DLL4: variants seen among roughly 807,000 people sequenced by gnomAD.
DLL4 encodes delta-like protein 4.
DLL4 carries 7 observed loss-of-function variants against 73.6 expected under a neutral mutation model. The observed-to-expected ratio is 0.10, with a 90% CI of 0.05 to 0.18. The LOEUF (loss-of-function observed/expected upper bound fraction) is 0.18. DLL4 is among the 10% of genes least tolerant of loss of function. The probability of loss-of-function intolerance (pLI) is 1.00; values close to 1 mark genes in which losing one functional copy is unlikely to be tolerated. For synonymous variants in DLL4, 345 were observed against 374.3 expected, an observed-to-expected ratio of 0.92 and a Z score of 0.90; for missense variants, 614 against 929.9, an observed-to-expected ratio of 0.66 and a Z score of 4.42.
At chr15:40,931,373 G>T (rs1180608528) in intron 3 of DLL4, 130 bp from the exon 4 acceptor site, 2 of 1,158,012 alleles carry the variant, frequency 1.7e-6, no homozygotes, top group East Asian at 2.6e-5. Context: ...GCAGGCGGGG[G>T]TCATCTGGAT....
Position 40,930,674 on chromosome 15 carries a change from T to A in DLL4, c.386T>A (p.Leu129Gln), listed in dbSNP as rs1208711678. ...IEAWHAPGDD[L>Q]RPEALPPDAL... is the part of the protein sequence containing the mutation. ...GCTTGGCACGCGCCAGGAGACGACC[T>A]GCGGCCAGGTGAGTAGCTCGCTCCG... Residue 129 changes from leucine to glutamine, a missense_variant, in exon 3 of 11, where the codon CTG becomes CAG. Physicochemically the swap from Leu to Gln is moderately radical, Grantham distance 113. Transcript: ENST00000249749. This position sits in a 1 kb window ranked among gnomAD's most constrained non-coding sequence, Gnocchi z 5.7. 1.2e-6 allele frequency: 2 copies of A among 1,613,708 alleles called. No individual in the cohort carries two copies. The highest frequency in any genetic ancestry group is 8.5e-7 in the Non-Finnish European group (1 of 1,179,842).
chr15:40,932,122 A>T (rs1255140846), intron 4 of DLL4, 49 bp from the exon 5 acceptor site: 4 of 1,606,724 alleles, frequency 2.5e-6, no homozygotes, highest in Middle Eastern at 1.7e-4. Flanking sequence ...AATGGGGCTT[A>T]AGAGTCCTTG....
Position 40,936,500 on chromosome 15 carries a change from G to A in DLL4, c.1513G>A (p.Val505Met). ...CACCGACCTCTCCACAGACACCTTT[G>A]TGTGCAACTGCCCTTATGGCTTTGT... ...CYTDLSTDTF[V>M]CNCPYGFVGS... Residue 505 changes from valine (V) to methionine (M), a missense_variant, in exon 9 of 11, where the codon GTG (valine) becomes ATG (methionine). Transcript: ENST00000249749. 1.2e-6 allele frequency: 2 copies of A among 1,611,774 alleles called. No homozygotes were observed. Among genetic ancestry groups the A allele is most frequent in the Non-Finnish European group, 1.7e-6 (2 of 1,179,636 alleles).
rs201505624 is a variant in DLL4, at chr15:40,931,665, G to A, written c.557G>A (p.Arg186His). Residue 186 changes from arginine to histidine, a missense_variant, in exon 4 of 11, where the codon CGC (arginine) becomes CAC (histidine). By Grantham distance (29) the Arg-to-His change is conservative. Coordinates refer to ENST00000249749, the MANE Select transcript of DLL4 (RefSeq NM_019074.4). ...SDNYYGDNCS[R>H]LCKKRNDHFG... The stretch of plus-strand genomic sequence containing the variant: ...AACTACTATGGAGACAACTGCTCCC[G>A]CCTGTGCAAGAAGCGCAATGACCAC... 5 of 1,613,536 alleles carry A rather than the reference G, an allele frequency of 3.1e-6. No individual in the cohort carries two copies. Among genetic ancestry groups the A allele is most frequent in the African/African-American group, 2.7e-5 (2 of 74,938 alleles).
At chr15:40,931,377 T>C in intron 3 of DLL4, 126 bp from the exon 4 acceptor site, 1 of 1,215,028 alleles carries the variant, frequency 8.2e-7, no homozygotes, top group Non-Finnish European at 1.1e-6. Flanking sequence ...GCGGGGGTCA[T>C]CTGGATAACT....
At position 40,929,674 on chromosome 15, in the gene DLL4, G is replaced by T; in HGVS notation, c.6G>T (p.Ala2=). M[A]AASRSASGWA... is the part of the protein sequence containing the mutation. ...AGAGAGCGACGCCCGAGGGGATGGC[G>T]GCAGCGTCCCGGAGCGCCTCTGGCT... Residue 2 remains alanine, a synonymous_variant, in exon 1 of 11, where the codon GCG becomes GCT. Transcript: ENST00000249749. This position sits in a 1 kb window ranked among gnomAD's most constrained non-coding sequence, Gnocchi z 7.1. The T allele has an allele frequency of 6.5e-7, 1 of 1,549,640 alleles. No individual in the cohort carries two copies. Among genetic ancestry groups the T allele is most frequent in the Non-Finnish European group, 8.6e-7 (1 of 1,157,978 alleles).
At chr15:40,934,323 TAAA>T (rs561583510) in intron 6 of DLL4, among the ~76,000 whole-genome samples, 2 of 109,718 alleles carry the variant, frequency 1.8e-5, no homozygotes, top group Non-Finnish European at 1.9e-5. Context: ...GAGACTCTGT[TAAA>T]AAAAAAAAAA....
chr15:40,937,078 CT>C (rs1232686444), intron 9 of DLL4, 148 bp downstream of exon 9: 1 of 680,910 alleles, frequency 1.5e-6, no homozygotes, highest in Non-Finnish European at 2.4e-6. Context: ...GTCAGGGGTC[CT>C]TTGTCCTTCC....
chr15:40,934,373 A>AAAGAGAGAGAAAGAAAGC (rs1439211969), intron 6 of DLL4, among the ~76,000 whole-genome samples, 175 bp from the exon 7 acceptor site: 3 of 151,796 alleles, frequency 2.0e-5, no homozygotes, highest in East Asian at 1.9e-4. Context: ...AGAAAGAAAG[A>AAAGAGAGAGAAAGAAAGC]AAGAAAGAGA....
chr15:40,935,149 C>T (rs1222150523), intron 8 of DLL4, 32 bp downstream of exon 8: 1 of 1,590,378 alleles, frequency 6.3e-7, no homozygotes, highest in East Asian at 2.3e-5. Flanking sequence ...ACCTGGTGGA[C>T]TGGCCCTGGG....
Position 40,930,372 on chromosome 15 carries a change from G to A in DLL4, c.337-253G>A, listed in dbSNP as rs565315696. 5 of 635,342 alleles carry A rather than the reference G, an allele frequency of 7.9e-6. No homozygotes were observed. The highest frequency in any genetic ancestry group is 8.3e-6 in the Non-Finnish European group (3 of 361,214). 39.4% of individuals were successfully genotyped at this position (635,342 alleles called of 1,614,324 possible). A position where few individuals can be genotyped will look rare whatever the true frequency, so the allele number is the denominator to read the frequency against. ...CGATTTTCATTACCTACCACTCTGG[G>A]GCGGTACCCTACCACCCCCTCCTCC... On this transcript the variant is annotated intron_variant, in intron 2 of 10. Coordinates refer to ENST00000249749, the MANE Select transcript of DLL4 (RefSeq NM_019074.4). This position sits in a 1 kb window ranked among gnomAD's most constrained non-coding sequence, Gnocchi z 5.7.
In DLL4 at chr15:40,938,239, GA is replaced by G; in HGVS notation, c.*206del. On this transcript the variant is annotated 3_prime_UTR_variant, in exon 11 of 11. Coordinates refer to ENST00000249749, the MANE Select transcript of DLL4 (RefSeq NM_019074.4). ...ACCTTTGGGTGTCTGTCTGGCATCA[GA>G]TTGGCAGCTGCACCAACCAGAGGAA... 4.2e-6 allele frequency: 2 copies of G among 479,424 alleles called. No homozygotes were observed. The highest frequency in any genetic ancestry group is 3.6e-6 in the Non-Finnish European group (1 of 279,700). The allele number at this position is 479,424 out of a possible 1,614,324, so 29.7% of individuals were successfully genotyped here. A position where few individuals can be genotyped will look rare whatever the true frequency, so the allele number is the denominator to read the frequency against.
Position 40,936,390 on chromosome 15 carries a change from C to T in DLL4, c.1403C>T (p.Ala468Val). The change falls in exon 9 of 11, where the codon GCC becomes GTC. Residue 468 changes from alanine (A) to valine (V), a missense_variant. Coordinates refer to ENST00000249749, the MANE Select transcript of DLL4 (RefSeq NM_019074.4). ...AATGGGCTCATGTGCACCTGCCCTG[C>T]CGGCTTCTCTGGCCGACGCTGTGAG... ...LENGLMCTCP[A>V]GFSGRRCEVR... 1 of 1,611,754 alleles carries T rather than the reference C, an allele frequency of 6.2e-7. No individual in the cohort carries two copies.
chr15:40,938,936 T>TG lies in DLL4; in HGVS notation c.*902_*903insG, dbSNP rs200002331. 0.021 allele frequency: 2,317 copies of TG among 108,478 alleles called. 33 individuals carry two copies. Among genetic ancestry groups the TG allele is most frequent in the African/African-American group, 0.044 (1,397 of 31,972 alleles). 6.7% of individuals were successfully genotyped at this position (108,478 alleles called of 1,614,324 possible). ...CAATAATATGAGTTTTTATTTTGTT[T>TG]TTTTTTTTTTTTTTGTAGTTTATTT... On this transcript the variant is annotated 3_prime_UTR_variant, in exon 11 of 11. Transcript: ENST00000249749.
At chr15:40,932,848 C>G (rs749350643) in intron 6 of DLL4, among the ~76,000 whole-genome samples, 1 of 152,222 alleles carries the variant, frequency 6.6e-6, no homozygotes, top group Non-Finnish European at 1.5e-5. Context: ...CTCCCCTAAA[C>G]AGCTGTCCGG....
chr15:40,932,360 C>G lies in DLL4; in HGVS notation c.763C>G (p.Pro255Ala). Residue 255 changes from proline to alanine, a missense_variant, in exon 6 of 11, where the codon CCC (proline) becomes GCC (alanine). Physicochemically the swap from Pro to Ala is conservative, Grantham distance 27. Coordinates refer to ENST00000249749, the MANE Select transcript of DLL4 (RefSeq NM_019074.4). The stretch of plus-strand genomic sequence containing the variant: ...GGGCCGGCTGTGTAACGAATGCATC[C>G]CCCACAATGGCTGTCGCCACGGCAC... ...WQGRLCNECI[P>A]HNGCRHGTCS... 1.2e-6 allele frequency: 2 copies of G among 1,613,990 alleles called. No individual in the cohort carries two copies. The highest frequency in any genetic ancestry group is 1.7e-6 in the Non-Finnish European group (2 of 1,179,890).
intron 8 of DLL4, 123 bp from the exon 9 acceptor site, chr15:40,936,105 T>G (rs1489739501): frequency 1.3e-6 from 1 of 789,492 alleles, no homozygotes; most frequent in Non-Finnish European, 2.0e-6. Context: ...TGCAGTTCTC[T>G]TTGTAGTGGG....
chr15:40,936,533 C>A lies in DLL4; in HGVS notation c.1546C>A (p.Arg516Ser). ...CTGCCCTTATGGCTTTGTGGGCAGC[C>A]GCTGCGAGTTCCCCGTGGGCTTGCC... is the stretch of plus-strand genomic sequence containing the variant. ...CNCPYGFVGSRCEFPVGLPPS... is the reference protein window; with the variant it reads ...CNCPYGFVGSSCEFPVGLPPS... Residue 516 changes from arginine to serine, a missense_variant, in exon 9 of 11, where the codon CGC (arginine) becomes AGC (serine). Physicochemically the swap from Arg to Ser is moderately radical, Grantham distance 110. Transcript: ENST00000249749. 1 of 1,611,016 alleles carries A rather than the reference C, an allele frequency of 6.2e-7. No homozygotes were observed.
In DLL4 at chr15:40,936,640, T is replaced by C. The variant is rs771466491; in HGVS notation, c.1653T>C (p.Ala551=). Residue 551 remains alanine, a synonymous_variant, in exon 9 of 11, where the codon GCT becomes GCC. Transcript: ENST00000249749. Reference sequence around the variant, plus strand: ...TACTGCTGGGCATGGTGGCAGTGGCTGTGCGGCAGCTGCGGCTTCGACGGC... The same window carrying C: ...TACTGCTGGGCATGGTGGCAGTGGCCGTGCGGCAGCTGCGGCTTCGACGGC... ...LLVLLGMVAV[A]VRQLRLRRPD... 3.1e-6 allele frequency: 5 copies of C among 1,610,758 alleles called. No homozygotes were observed. Among genetic ancestry groups the C allele is most frequent in the Non-Finnish European group, 4.2e-6 (5 of 1,179,384 alleles).
Sources: gnomAD v4.1 joint callset for allele counts (sites outside exome capture counted in the v4.1 genomes callset) on GRCh38, gnomAD v4.1.1 for gene constraint, Gnocchi (gnomAD v3.1) non-coding constraint, MANE v1.5 for transcripts, NCBI Gene and HGNC (gene_info 2026-07-23, HGNC 2026-07-21) for gene names.